The following SPATA13 variants were observed in gnomAD, a reference collection of about 807,000 sequenced individuals.
The protein encoded by SPATA13 is spermatogenesis associated 13, also known as spermatogenesis-associated protein 13.
Under a neutral mutation model 104.0 loss-of-function variants are expected in SPATA13, and 50 were observed. The ratio of observed to expected loss-of-function variants is 0.48; its 90% CI spans 0.38 to 0.61. The LOEUF is 0.61. Ranked by LOEUF, SPATA13 falls within the 20% of genes least tolerant of loss-of-function variation. The pLI is 0.00. For synonymous variants in SPATA13, 606 were observed against 667.5 expected (o/e 0.91, Z 1.42); for missense variants, 1,524 against 1,690.6 (o/e 0.90, Z 1.73).
intron 2 of SPATA13, among the ~76,000 whole-genome samples, chr13:23,985,880 G>A (rs776367575): frequency 7.2e-5 from 11 of 152,180 alleles, no homozygotes; most frequent in African/African-American, 1.2e-4. Flanking sequence ...CGGTCCATAC[G>A]CTGAGACGGA....
intron 4 of SPATA13, among the ~76,000 whole-genome samples, chr13:24,280,126 C>T (rs1430020370): frequency 2.0e-5 from 3 of 152,220 alleles, no homozygotes; most frequent in Non-Finnish European, 4.4e-5. Flanking sequence ...ATCCTCCCAC[C>T]TCAGCCTCCC....
At chr13:24,192,021 G>A (rs534316535) in intron 1 of SPATA13, among the ~76,000 whole-genome samples, 25 of 152,250 alleles carry the variant, frequency 1.6e-4, no homozygotes, top group Admixed American at 8.5e-4. Context: ...AAGTGAGATG[G>A]AGTCCTGCTA....
intron 1 of SPATA13, among the ~76,000 whole-genome samples, chr13:24,215,213 CGTGCATGTCCT>C (rs1276688401): frequency 4.6e-5 from 7 of 152,164 alleles, no homozygotes; most frequent in African/African-American, 1.7e-4. Flanking sequence ...ACATGACTGT[CGTGCATGTCCT>C]AAATGAGGAG....
chr13:24,001,936 G>A (rs1022631609), intron 2 of SPATA13, among the ~76,000 whole-genome samples: 18 of 151,998 alleles, frequency 1.2e-4, no homozygotes, highest in African/African-American at 4.1e-4. Context: ...GGGGACATGG[G>A]AGGTGAGGAG....
At chr13:24,200,420 C>A (rs559458449) in intron 1 of SPATA13, among the ~76,000 whole-genome samples, 13 of 152,036 alleles carry the variant, frequency 8.6e-5, no homozygotes, top group Admixed American at 2.0e-4. Flanking sequence ...CATGTAAGGA[C>A]AAAGACAAGT....
intron 2 of SPATA13, among the ~76,000 whole-genome samples, chr13:23,994,617 G>A (rs1181940608): frequency 1.3e-5 from 2 of 152,230 alleles, no homozygotes; most frequent in Non-Finnish European, 2.9e-5. Flanking sequence ...ATGACCACAC[G>A]TGGGACATGT....
upstream of SPATA13, among the ~76,000 whole-genome samples, chr13:24,158,476 C>T (rs764093876): frequency 1.3e-5 from 2 of 152,154 alleles, no homozygotes; most frequent in South Asian, 4.1e-4. Context: ...GAATAAGCGT[C>T]GGCTGGTGAT....
chr13:24,168,502 A>G (rs1165445778), intron 1 of SPATA13, among the ~76,000 whole-genome samples: 2 of 152,164 alleles, frequency 1.3e-5, no homozygotes, highest in Non-Finnish European at 2.9e-5. Flanking sequence ...TTGATTCACT[A>G]TATTTTTTTC....
At chr13:24,290,285 T>C (rs1298548798) in intron 8 of SPATA13, among the ~76,000 whole-genome samples, 2 of 152,300 alleles carry the variant, frequency 1.3e-5, no homozygotes, top group African/African-American at 4.8e-5. Context: ...CGATTAAAAC[T>C]GCATACATGG....
At chr13:24,078,424 T>C (rs1879402212) in intron 3 of SPATA13, among the ~76,000 whole-genome samples, 1 of 152,218 alleles carries the variant, frequency 6.6e-6, no homozygotes. Flanking sequence ...CTGAAGTATA[T>C]GCTGTTACTG....
rs3075296 is a variant in SPATA13 at position 24,082,826 on chromosome 13, C to CAA, written c.-112+65152_-112+65153dup. ...TGGGCGACAGAGCGAGACTCCGTCT[C>CAA]AAAAAAAAAAAAAAAAAAAAAAAAA... On this transcript the variant is annotated intron_variant, in intron 3 of 14. Transcript: ENST00000424834. 5.8e-3 allele frequency among the ~76,000 whole-genome samples: 288 copies of CAA among 50,064 alleles called. 30 individuals carry two copies. Among genetic ancestry groups the CAA allele is most frequent in the Middle Eastern group, 0.024 (1 of 42 alleles). 32.8% of individuals were successfully genotyped at this position (50,064 alleles called of 152,430 possible).
At chr13:24,225,701 A>G (rs1159871199) in intron 2 of SPATA13, among the ~76,000 whole-genome samples, 1 of 152,110 alleles carries the variant, frequency 6.6e-6, no homozygotes, top group African/African-American at 2.4e-5. Context: ...GGAGGGTTAT[A>G]GTGTTACAAC....
chr13:24,284,095 C>T, intron 4 of SPATA13, 40 bp from the exon 5 acceptor site: 2 of 1,571,440 alleles, frequency 1.3e-6, no homozygotes, highest in Non-Finnish European at 1.7e-6. Flanking sequence ...ATCTTGTTAG[C>T]TGTGTCTTTT....
At chr13:24,262,997 C>G (rs1874131788) in intron 4 of SPATA13, among the ~76,000 whole-genome samples, 1 of 152,002 alleles carries the variant, frequency 6.6e-6, no homozygotes, top group African/African-American at 2.4e-5. Flanking sequence ...TTTATAGATT[C>G]TCTGGGCTGC....
chr13:24,235,425 A>G (rs1872521083), intron 2 of SPATA13, among the ~76,000 whole-genome samples: 1 of 152,226 alleles, frequency 6.6e-6, no homozygotes, highest in African/African-American at 2.4e-5. Context: ...AAAGAGAGAA[A>G]GATTGCTTGT....
At chr13:24,049,042 T>C (rs1878246248) in intron 3 of SPATA13, among the ~76,000 whole-genome samples, 1 of 152,204 alleles carries the variant, frequency 6.6e-6, no homozygotes, top group African/African-American at 2.4e-5. Context: ...TACCAAATGG[T>C]TACTTAAATT....
intron 2 of SPATA13, among the ~76,000 whole-genome samples, chr13:23,998,416 G>T (rs2765169): frequency 0.75 from 113,481 of 151,286 alleles, 42,622 homozygotes; most frequent in Non-Finnish European, 0.76. Flanking sequence ...ATTTTTATCA[G>T]GTTGTTTTCA....
intron 2 of SPATA13, among the ~76,000 whole-genome samples, chr13:24,000,720 A>G (rs1875923504): frequency 6.6e-6 from 1 of 152,044 alleles, no homozygotes; most frequent in Non-Finnish European, 1.5e-5. Flanking sequence ...AGAGGTGTGA[A>G]TTTGGGAGAG....
At chr13:24,289,908 G>A (rs1876216527) in intron 8 of SPATA13, among the ~76,000 whole-genome samples, 2 of 152,218 alleles carry the variant, frequency 1.3e-5, no homozygotes, top group Admixed American at 1.3e-4. Context: ...CTCAGTAGCT[G>A]TCTAGAGTCC....
Sources: gnomAD v4.1 joint callset for allele counts (sites outside exome capture counted in the v4.1 genomes callset) on GRCh38, gnomAD v4.1.1 for gene constraint, MANE v1.5 for transcripts, NCBI Gene and HGNC (gene_info 2026-07-23, HGNC 2026-07-21) for gene names.